Variants in QRFPR observed in about 807,000 individuals in gnomAD.
QRFPR encodes pyroglutamylated RFamide peptide receptor.
Under a neutral mutation model 31.3 loss-of-function variants are expected in QRFPR, and 37 were observed. That is an observed-to-expected ratio of 1.18 (90% CI 0.91 to 1.56). QRFPR has a LOEUF of 1.56. Ranked by LOEUF, QRFPR falls within the 40% of genes most tolerant of loss-of-function variation. QRFPR has a pLI of 0.00. For synonymous variants in QRFPR, 197 were observed against 192.0 expected, an observed-to-expected ratio of 1.03 and a Z score of -0.22; for missense variants, 542 against 532.5, an observed-to-expected ratio of 1.02 and a Z score of -0.18.
chr4:121,340,108 CAAAAAAAAAA>C (rs58311512), intron 2 of QRFPR: 5 of 131,920 alleles, frequency 3.8e-5, no homozygotes, highest in South Asian at 1.9e-4. Context: ...CACTCTGTCT[CAAAAAAAAAA>C]AAAAAAAAAA....
intron 1 of QRFPR, chr4:121,369,620 G>A: frequency 6.2e-7 from 1 of 1,609,708 alleles, no homozygotes; most frequent in Non-Finnish European, 8.5e-7. Context: ...TCCTCGGTAG[G>A]CCTGGGTGGC....
At position 121,380,511 on chromosome 4, in the gene QRFPR, A is replaced by G. The variant is rs1407034854; in HGVS notation, c.137T>C (p.Leu46Pro). ...YTPELPGRAK[L>P]ALVLTGVLIF... ...GAGCACGCCGGTGAGCACGAGGGCC[A>G]GCTTGGCGCGTCCCGGCAGCTCTGG... The change falls in exon 1 of 6, where the codon CTG becomes CCG. Residue 46 changes from leucine (L) to proline (P), a missense_variant. Leu to Pro is a moderately conservative substitution (Grantham distance 98). Transcript: ENST00000394427. 3.7e-6 allele frequency: 6 copies of G among 1,614,100 alleles called. No individual in the cohort carries two copies. The highest frequency in any genetic ancestry group is 1.6e-4 in the Middle Eastern group (1 of 6,062).
Position 121,368,235 on chromosome 4 carries a change from C to T in QRFPR, c.340+12073G>A, listed in dbSNP as rs773307454. Among the ~76,000 whole-genome samples, 2 of 149,904 alleles carry T rather than the reference C, an allele frequency of 1.3e-5. 1 individual carries two copies. Among genetic ancestry groups the T allele is most frequent in the African/African-American group, 4.9e-5 (2 of 40,424 alleles). On this transcript the variant is annotated intron_variant, in intron 1 of 5. Transcript: ENST00000394427. ...CTCCTCCTCCCACAGACGTTCCAGG[C>T]CCTGACCTGAACAAGGAAATCAAAA...
chr4:121,332,598 C>T lies in QRFPR; in HGVS notation c.797+223G>A, dbSNP rs150519219. The stretch of plus-strand genomic sequence containing the variant: ...TTCTAAATTCCAAGTCAGTTTCTAC[C>T]TATAGCTGTAACTTCCCAGTTGATT... On this transcript the variant is annotated intron_variant, in intron 4 of 5. Transcript: ENST00000394427. Among the ~76,000 whole-genome samples, 687 of 152,290 alleles carry T rather than the reference C, an allele frequency of 4.5e-3. 8 individuals are homozygous for T. Among genetic ancestry groups the T allele is most frequent in the African/African-American group, 0.016 (664 of 41,570 alleles).
In QRFPR at chr4:121,380,513, C is replaced by T; in HGVS notation, c.135G>A (p.Lys45=). ...VYTPELPGRA[K]LALVLTGVLI... ...GCACGCCGGTGAGCACGAGGGCCAG[C>T]TTGGCGCGTCCCGGCAGCTCTGGGG... Residue 45 remains lysine (K), a synonymous_variant, in exon 1 of 6, where the codon AAG becomes AAA. Transcript: ENST00000394427. 1 of 1,613,994 alleles carries T rather than the reference C, an allele frequency of 6.2e-7. No individual in the cohort carries two copies. The highest frequency in any genetic ancestry group is 8.5e-7 in the Non-Finnish European group (1 of 1,179,936).
At chr4:121,375,391 G>T (rs1726331356) in intron 1 of QRFPR, among the ~76,000 whole-genome samples, 1 of 152,102 alleles carries the variant, frequency 6.6e-6, no homozygotes, top group Admixed American at 6.6e-5. Context: ...CCCCTTCTTA[G>T]TCTAATGGAA....
At chr4:121,372,637 T>C (rs976402327) in intron 1 of QRFPR, among the ~76,000 whole-genome samples, 4 of 152,242 alleles carry the variant, frequency 2.6e-5, no homozygotes, top group African/African-American at 9.6e-5. Flanking sequence ...TCTATGACTT[T>C]GCTTATTCTA....
In QRFPR at chr4:121,364,094, G is replaced by T. The variant is rs376242473; in HGVS notation, c.340+16214C>A. ...TCAGACTGGGAACTTGCCACAAAAG[G>T]GTTGAGGGAGCTTGAGGTCCTGCGT... On this transcript the variant is annotated intron_variant, in intron 1 of 5. Transcript: ENST00000394427. Among the ~76,000 whole-genome samples the T allele has an allele frequency of 4.8e-4, 72 of 150,034 alleles. 3 individuals are homozygous for T. Among genetic ancestry groups the T allele is most frequent in the African/African-American group, 1.7e-3 (70 of 40,576 alleles).
chr4:121,368,889 C>T (rs574212058), intron 1 of QRFPR, among the ~76,000 whole-genome samples: 1 of 133,872 alleles, frequency 7.5e-6, no homozygotes, highest in African/African-American at 2.8e-5. Context: ...CCCCATACAC[C>T]ACTGCTGAGA....
chr4:121,352,763 C>A (rs1397214240), intron 1 of QRFPR, among the ~76,000 whole-genome samples: 1 of 151,966 alleles, frequency 6.6e-6, no homozygotes, highest in Non-Finnish European at 1.5e-5. Flanking sequence ...TTAAAATATA[C>A]AATAAATTAT....
At chr4:121,372,494 A>G (rs116688459) in intron 1 of QRFPR, among the ~76,000 whole-genome samples, 109 of 152,322 alleles carry the variant, frequency 7.2e-4, no homozygotes, top group African/African-American at 2.6e-3. Context: ...TCACATTCAC[A>G]GTGTCGTGCA....
intron 1 of QRFPR, among the ~76,000 whole-genome samples, chr4:121,366,922 T>G (rs2110482442): frequency 6.7e-6 from 1 of 150,068 alleles, no homozygotes; most frequent in South Asian, 2.1e-4. Flanking sequence ...GTGCCCAGGA[T>G]TGCCCAGATC....
chr4:121,366,692 A>G lies in QRFPR; in HGVS notation c.340+13616T>C, dbSNP rs1726139928. Among the ~76,000 whole-genome samples the G allele has an allele frequency of 1.3e-5, 2 of 149,964 alleles. 1 individual carries two copies. Among genetic ancestry groups the G allele is most frequent in the Admixed American group, 1.3e-4 (2 of 15,070 alleles). Reference sequence around the variant, plus strand: ...CAGATGAGCCAACCTGAAATTGCTGACCTGTAGAATCATGAATGATTCTTT... The same window carrying G: ...CAGATGAGCCAACCTGAAATTGCTGGCCTGTAGAATCATGAATGATTCTTT... On this transcript the variant is annotated intron_variant, in intron 1 of 5. Coordinates refer to ENST00000394427, the MANE Select transcript of QRFPR (RefSeq NM_198179.3).
At chr4:121,374,623 A>C (rs1726316865) in intron 1 of QRFPR, among the ~76,000 whole-genome samples, 1 of 152,202 alleles carries the variant, frequency 6.6e-6, no homozygotes, top group African/African-American at 2.4e-5. Context: ...AGACCAATTA[A>C]ATCAGAATCT....
intron 1 of QRFPR, among the ~76,000 whole-genome samples, chr4:121,360,671 A>G (rs1399757369): frequency 3.3e-5 from 5 of 152,162 alleles, no homozygotes; most frequent in African/African-American, 1.2e-4. Flanking sequence ...TCACCAAATG[A>G]CTTCATGACT....
chr4:121,354,286 A>C (rs999612654), intron 1 of QRFPR, among the ~76,000 whole-genome samples: 1 of 152,006 alleles, frequency 6.6e-6, no homozygotes, highest in Non-Finnish European at 1.5e-5. Flanking sequence ...TTTAATTTGT[A>C]TATTGCTTTG....
chr4:121,337,006 T>C (rs774825676), intron 2 of QRFPR, 138 bp from the exon 3 acceptor site: 16 of 759,522 alleles, frequency 2.1e-5, no homozygotes, highest in Non-Finnish European at 3.3e-5. Flanking sequence ...TCCCCCAAGT[T>C]TCATGCTTCC....
In QRFPR at chr4:121,330,536, G is replaced by A; in HGVS notation, c.798-13C>T. On this transcript the variant is annotated splice_polypyrimidine_tract_variant and intron_variant, in intron 4 of 5. Coordinates refer to ENST00000394427, the MANE Select transcript of QRFPR (RefSeq NM_198179.3). ...TCGTTTCTTCTTCCTAAACCCACAA[G>A]GAAACATTGTATTAGTTAACTTCTC... 5 of 1,602,468 alleles carry A rather than the reference G, an allele frequency of 3.1e-6. No homozygotes were observed. The highest frequency in any genetic ancestry group is 1.3e-5 in the African/African-American group (1 of 74,706).
chr4:121,353,006 C>T (rs2090024), intron 1 of QRFPR, among the ~76,000 whole-genome samples: 92,661 of 151,460 alleles, frequency 0.61, 29,924 homozygotes, highest in Non-Finnish European at 0.71. Context: ...CTCAACATAA[C>T]GTCCTCCAGT....
Sources: gnomAD v4.1 joint callset for allele counts (sites outside exome capture counted in the v4.1 genomes callset) on GRCh38, gnomAD v4.1.1 for gene constraint, MANE v1.5 for transcripts, NCBI Gene and HGNC (gene_info 2026-07-23, HGNC 2026-07-21) for gene names.